KATNAL1: variants seen among roughly 807,000 people sequenced by gnomAD.
KATNAL1 encodes katanin p60 ATPase-containing subunit A-like 1.
A neutral mutation model predicts 55.2 loss-of-function variants in KATNAL1; 32 were observed. That is an observed-to-expected ratio of 0.58 (90% CI 0.44 to 0.78). The LOEUF (loss-of-function observed/expected upper bound fraction) is 0.78. KATNAL1 is among the 30% of genes least tolerant of loss of function. The probability of loss-of-function intolerance (pLI) is 0.00; values close to 1 mark genes in which losing one functional copy is unlikely to be tolerated. For missense variants in KATNAL1, 466 were observed against 600.9 expected (o/e 0.78, Z 2.35); for synonymous variants, 193 against 193.6 (o/e 1.00, Z 0.02).
intron 4 of KATNAL1, among the ~76,000 whole-genome samples, chr13:30,251,654 G>A (rs75007368): frequency 0.013 from 2,010 of 152,288 alleles, 37 homozygotes; most frequent in African/African-American, 0.045. Flanking sequence ...AAATTACCCT[G>A]TGTAAGCTAT....
At chr13:30,294,772 G>C (rs1168942641) in intron 1 of KATNAL1, among the ~76,000 whole-genome samples, 1 of 152,216 alleles carries the variant, frequency 6.6e-6, no homozygotes, top group African/African-American at 2.4e-5. Flanking sequence ...TAAAGGACAG[G>C]CTGGCTCTCG....
chr13:30,221,188 C>A (rs777006505), intron 9 of KATNAL1, among the ~76,000 whole-genome samples: 1 of 152,090 alleles, frequency 6.6e-6, no homozygotes, highest in Admixed American at 6.5e-5. Flanking sequence ...GAATATGTTA[C>A]AAAAATTAAG....
At chr13:30,296,715 T>C in intron 1 of KATNAL1, 1 of 580,498 alleles carries the variant, frequency 1.7e-6, no homozygotes, top group South Asian at 1.5e-5. Flanking sequence ...CGGCGAGGAA[T>C]ATTTCTCCAA....
chr13:30,231,542 A>C lies in KATNAL1; in HGVS notation c.727-70T>G, dbSNP rs1487772491. On this transcript the variant is annotated intron_variant, in intron 6 of 10. Coordinates refer to ENST00000380615, the MANE Select transcript of KATNAL1 (RefSeq NM_032116.5). ...ATTTTTTTATAAATTATCATCAGCT[A>C]TTAATGTACATTGAGATTTTTCCAT... 9 of 948,414 alleles carry C rather than the reference A, an allele frequency of 9.5e-6. No homozygotes were observed. In the African/African-American group the frequency reaches 1.4e-4, roughly 14 times the overall value. The allele number at this position is 948,414 out of a possible 1,614,324, so 58.7% of individuals were successfully genotyped here.
At chr13:30,244,247 A>G (rs891332878) in intron 4 of KATNAL1, among the ~76,000 whole-genome samples, 2 of 152,160 alleles carry the variant, frequency 1.3e-5, no homozygotes, top group Non-Finnish European at 2.9e-5. Flanking sequence ...ATGTCCCTGC[A>G]AAGGACATGA....
intron 9 of KATNAL1, among the ~76,000 whole-genome samples, chr13:30,214,574 G>C (rs1438373314): frequency 1.3e-5 from 2 of 152,110 alleles, no homozygotes; most frequent in African/African-American, 2.4e-5. Context: ...CCAGAACAGA[G>C]ATATAGATCA....
chr13:30,301,384 A>C (rs1038709521), intron 1 of KATNAL1, among the ~76,000 whole-genome samples: 1 of 152,190 alleles, frequency 6.6e-6, no homozygotes, highest in African/African-American at 2.4e-5. Context: ...AACAAACAAA[A>C]AAAACCCTAT....
chr13:30,283,041 G>T (rs1382310200), intron 2 of KATNAL1, among the ~76,000 whole-genome samples: 1 of 151,422 alleles, frequency 6.6e-6, no homozygotes, highest in African/African-American at 2.4e-5. Context: ...AGGCTGAGGT[G>T]GGTGGATCAC....
rs374994198 is a variant in KATNAL1 at position 30,232,198 on chromosome 13, T to C, written c.727-726A>G. ...AATCCAACTCTCTAGTCTTAAAAAC[T>C]AATGGGTTCTTAAATAATTATTTTC... On this transcript the variant is annotated intron_variant, in intron 6 of 10. Coordinates refer to ENST00000380615, the MANE Select transcript of KATNAL1 (RefSeq NM_032116.5). Among the ~76,000 whole-genome samples, 68 of 152,280 alleles carry C rather than the reference T, an allele frequency of 4.5e-4. No individual in the cohort carries two copies. The South Asian group carries it at 7.7e-3, about 17-fold the overall frequency.
intron 4 of KATNAL1, among the ~76,000 whole-genome samples, chr13:30,244,416 T>C (rs1177372558): frequency 1.3e-5 from 2 of 152,150 alleles, no homozygotes; most frequent in African/African-American, 4.8e-5. Context: ...TATAGAATGA[T>C]TTATAATCCT....
intron 1 of KATNAL1, among the ~76,000 whole-genome samples, chr13:30,286,525 G>A (rs1881800411): frequency 6.6e-6 from 1 of 152,260 alleles, no homozygotes; most frequent in Non-Finnish European, 1.5e-5. Context: ...CTAGATTTCA[G>A]AGGATGTATG....
chr13:30,257,308 G>A (rs1566111167), intron 3 of KATNAL1, among the ~76,000 whole-genome samples: 1 of 152,138 alleles, frequency 6.6e-6, no homozygotes, highest in Non-Finnish European at 1.5e-5. Flanking sequence ...ACAATAAAAT[G>A]AGACCAACAA....
intron 1 of KATNAL1, chr13:30,296,851 A>G: frequency 2.7e-6 from 1 of 366,830 alleles, no homozygotes; most frequent in South Asian, 2.2e-5. Context: ...CTGCCCCTCC[A>G]AACACCACAG....
At position 30,243,100 on chromosome 13, in the gene KATNAL1, T is replaced by C. The variant is rs186478728; in HGVS notation, c.493-2014A>G. Among the ~76,000 whole-genome samples the C allele has an allele frequency of 1.1e-3, 163 of 152,336 alleles. 1 individual carries two copies. Among genetic ancestry groups the C allele is most frequent in the African/African-American group, 3.7e-3 (152 of 41,586 alleles). ...TGAAATGATCTTAGAATTCTTTCCT[T>C]AGATTTTCATATGAGTTGACTAAGG... On this transcript the variant is annotated intron_variant, in intron 4 of 10. Coordinates refer to ENST00000380615, the MANE Select transcript of KATNAL1 (RefSeq NM_032116.5).
intron 6 of KATNAL1, among the ~76,000 whole-genome samples, chr13:30,231,820 A>C (rs1876130311): frequency 1.3e-5 from 2 of 152,206 alleles, no homozygotes; most frequent in Non-Finnish European, 2.9e-5. Flanking sequence ...CTGTTTACAC[A>C]TAATAAAAAT....
intron 9 of KATNAL1, among the ~76,000 whole-genome samples, chr13:30,218,882 C>T (rs1874575877): frequency 6.6e-6 from 1 of 152,112 alleles, no homozygotes. Context: ...CTCCACTGTG[C>T]CCCATCCAAT....
chr13:30,277,886 G>A (rs1282572010), intron 3 of KATNAL1, among the ~76,000 whole-genome samples: 10 of 150,058 alleles, frequency 6.7e-5, no homozygotes, highest in African/African-American at 2.5e-4. Flanking sequence ...GGGAGGCTGA[G>A]GCAGGAGAAT....
chr13:30,297,194 T>C (rs1593187576), intron 1 of KATNAL1, among the ~76,000 whole-genome samples: 3 of 141,446 alleles, frequency 2.1e-5, no homozygotes, highest in Admixed American at 2.1e-4. Context: ...GGAAGAAGGA[T>C]GAGGAGGAGT....
chr13:30,238,719 A>T (rs116979283), intron 6 of KATNAL1, among the ~76,000 whole-genome samples: 229 of 152,268 alleles, frequency 1.5e-3, no homozygotes, highest in Non-Finnish European at 2.9e-3. Context: ...CTAGTGCCTA[A>T]CACTGAAAGC....
Sources: allele counts gnomAD v4.1 joint callset (sites outside exome capture counted in the v4.1 genomes callset), GRCh38; gene constraint gnomAD v4.1.1; transcripts MANE v1.5; gene names NCBI Gene and HGNC (gene_info 2026-07-23, HGNC 2026-07-21).